DPP10: variants seen among roughly 807,000 people sequenced by gnomAD.
DPP10 encodes dipeptidyl peptidase like 10.
A neutral mutation model predicts 120.9 loss-of-function variants in DPP10; 33 were observed. That is an observed-to-expected ratio of 0.27 (90% confidence interval 0.21 to 0.37). DPP10 has a LOEUF of 0.37. Among genes scored for constraint, DPP10 ranks in the 10% least tolerant of loss-of-function variants. The pLI, the probability that DPP10 is intolerant of heterozygous loss-of-function variation, is 1.00. For synonymous variants in DPP10, 337 were observed against 326.1 expected, an observed-to-expected ratio of 1.03 and a Z score of -0.36; for missense variants, 816 against 942.8, an observed-to-expected ratio of 0.87 and a Z score of 1.76.
At chr2:115,063,238 G>GC (rs1160291029) in intron 1 of DPP10, among the ~76,000 whole-genome samples, 1 of 152,116 alleles carries the variant, frequency 6.6e-6, no homozygotes, top group Non-Finnish European at 1.5e-5. Flanking sequence ...TAATGGGGTT[G>GC]TTTTTTCCTC....
intron 7 of DPP10, among the ~76,000 whole-genome samples, chr2:115,726,815 T>C (rs1383187253): frequency 6.6e-6 from 1 of 152,148 alleles, no homozygotes; most frequent in Non-Finnish European, 1.5e-5. Flanking sequence ...GACAATTGTC[T>C]TGGAAGATCT....
Position 114,728,806 on chromosome 2 carries a change from G to A in DPP10, c.60+285968G>A, listed in dbSNP as rs534430197. Among the ~76,000 whole-genome samples the A allele has an allele frequency of 2.2e-4, 34 of 152,320 alleles. 2 individuals carry two copies. In the South Asian group the frequency reaches 6.0e-3, roughly 27 times the overall value. ...ATAGTTGGATTATATAAAATTACACGTATGGGGGTGGTGCTTGAGGCAAAA... is the reference window on the plus strand; with the variant it reads ...ATAGTTGGATTATATAAAATTACACATATGGGGGTGGTGCTTGAGGCAAAA... On this transcript the variant is annotated intron_variant, in intron 1 of 25. Transcript: ENST00000410059.
chr2:115,325,133 G>A (rs915374748), intron 2 of DPP10, among the ~76,000 whole-genome samples: 1 of 152,092 alleles, frequency 6.6e-6, no homozygotes, highest in Non-Finnish European at 1.5e-5. Flanking sequence ...GAGACATGAA[G>A]TGACTGCATG....
intron 3 of DPP10, among the ~76,000 whole-genome samples, chr2:115,358,570 A>G (rs928140760): frequency 1.3e-5 from 2 of 152,146 alleles, no homozygotes; most frequent in Non-Finnish European, 2.9e-5. Flanking sequence ...TGAGCCCTCC[A>G]GACTGTTTTA....
At chr2:115,279,561 G>C (rs2060057198) in intron 1 of DPP10, among the ~76,000 whole-genome samples, 1 of 149,188 alleles carries the variant, frequency 6.7e-6, no homozygotes, top group African/African-American at 2.5e-5. Context: ...ATTTGCGTTT[G>C]ATAGAATCTT....
intron 1 of DPP10, among the ~76,000 whole-genome samples, chr2:114,779,939 A>G (rs970256790): frequency 6.6e-6 from 1 of 152,134 alleles, no homozygotes; most frequent in African/African-American, 2.4e-5. Context: ...GATCGAGACC[A>G]TCCTGGCTAA....
At chr2:115,334,334 C>T (rs2062988958) in intron 2 of DPP10, among the ~76,000 whole-genome samples, 1 of 146,678 alleles carries the variant, frequency 6.8e-6, no homozygotes, top group Non-Finnish European at 1.5e-5. Flanking sequence ...CCTAGTATGC[C>T]AAGAAGAGCA....
chr2:114,486,675 G>A (rs1681546205), intron 1 of DPP10, among the ~76,000 whole-genome samples: 1 of 152,022 alleles, frequency 6.6e-6, no homozygotes, highest in African/African-American at 2.4e-5. Context: ...TAACTCTCAT[G>A]ATTTTGATTT....
intron 1 of DPP10, among the ~76,000 whole-genome samples, chr2:114,678,846 T>C (rs1032952535): frequency 6.6e-6 from 1 of 152,062 alleles, no homozygotes; most frequent in African/African-American, 2.4e-5. Context: ...ATCATCATGA[T>C]TGTATATTCT....
chr2:115,356,859 T>A (rs577984725), intron 3 of DPP10, among the ~76,000 whole-genome samples: 1 of 152,294 alleles, frequency 6.6e-6, no homozygotes, highest in East Asian at 1.9e-4. Context: ...GTAGAATGAT[T>A]TATTTTCCTT....
At chr2:115,619,467 A>G (rs978461124) in intron 5 of DPP10, among the ~76,000 whole-genome samples, 2 of 152,172 alleles carry the variant, frequency 1.3e-5, no homozygotes, top group Non-Finnish European at 2.9e-5. Context: ...AAAGTCTACT[A>G]TCCTTCGCAT....
chr2:115,670,839 G>C (rs11123316), intron 5 of DPP10, among the ~76,000 whole-genome samples: 2 of 151,822 alleles, frequency 1.3e-5, no homozygotes, highest in Admixed American at 1.3e-4. Context: ...AGATTAAAAG[G>C]CATCTCCCTC....
chr2:115,472,655 G>C (rs1311698538), intron 3 of DPP10, among the ~76,000 whole-genome samples: 1 of 151,992 alleles, frequency 6.6e-6, no homozygotes, highest in African/African-American at 2.4e-5. Flanking sequence ...AGTTTTATTT[G>C]CCTACCTGCC....
chr2:114,974,822 A>C (rs1407122099), intron 1 of DPP10, among the ~76,000 whole-genome samples: 1 of 152,170 alleles, frequency 6.6e-6, no homozygotes, highest in Non-Finnish European at 1.5e-5. Context: ...GGTATTTCTC[A>C]GAATGTGTTC....
intron 1 of DPP10, among the ~76,000 whole-genome samples, chr2:114,821,219 C>T (rs187491636): frequency 6.6e-6 from 1 of 152,176 alleles, no homozygotes; most frequent in Admixed American, 6.5e-5. Context: ...CCCTCCCACC[C>T]TAGCCTGTTG....
At chr2:115,010,415 G>A (rs1031459058) in intron 1 of DPP10, among the ~76,000 whole-genome samples, 3 of 152,114 alleles carry the variant, frequency 2.0e-5, no homozygotes, top group Non-Finnish European at 4.4e-5. Flanking sequence ...CATAAATGAT[G>A]TATTTTTATT....
At chr2:114,620,750 C>CA (rs1258095701) in intron 1 of DPP10, among the ~76,000 whole-genome samples, 2 of 152,134 alleles carry the variant, frequency 1.3e-5, no homozygotes, top group East Asian at 3.9e-4. Flanking sequence ...CCTTCAGCCC[C>CA]ACTGCAAAAA....
intron 3 of DPP10, among the ~76,000 whole-genome samples, chr2:115,459,487 A>G (rs575026057): frequency 2.4e-3 from 359 of 152,170 alleles, no homozygotes; most frequent in Non-Finnish European, 4.4e-3. Flanking sequence ...AAGTTTTCTA[A>G]CCACATGAAA....
chr2:115,568,675 T>C (rs1436694773), intron 5 of DPP10, among the ~76,000 whole-genome samples: 1 of 152,140 alleles, frequency 6.6e-6, no homozygotes, highest in Non-Finnish European at 1.5e-5. Context: ...TCAATTTTTT[T>C]TTCTTTCATG....
Sources: allele counts gnomAD v4.1 joint callset (sites outside exome capture counted in the v4.1 genomes callset), GRCh38; gene constraint gnomAD v4.1.1; transcripts MANE v1.5; gene names NCBI Gene and HGNC (gene_info 2026-07-23, HGNC 2026-07-21).